Variants in NSUN6 observed in about 807,000 individuals in gnomAD.
The protein encoded by NSUN6 is NOP2/Sun RNA methyltransferase 6.
NSUN6 carries 64 observed loss-of-function variants against 58.0 expected under a neutral mutation model. The observed-to-expected ratio is 1.10, with a 90% CI of 0.90 to 1.36. NSUN6 has a LOEUF of 1.36. Among genes scored for constraint, NSUN6 ranks in the 40% most tolerant of loss-of-function variants. The pLI, the probability that NSUN6 is intolerant of heterozygous loss-of-function variation, is 0.00. For missense variants in NSUN6, 701 were observed against 550.1 expected (o/e 1.27, Z -2.74); for synonymous variants, 231 against 193.9 (o/e 1.19, Z -1.59).
chr10:18,610,648 T>C (rs2058200424), intron 5 of NSUN6, among the ~76,000 whole-genome samples: 2 of 152,146 alleles, frequency 1.3e-5, no homozygotes, highest in Admixed American at 6.5e-5. Flanking sequence ...TTGAAAATGA[T>C]CAGAGCAGGA....
intron 3 of NSUN6, among the ~76,000 whole-genome samples, chr10:18,621,898 C>A (rs1430932673): frequency 6.6e-6 from 1 of 152,198 alleles, no homozygotes; most frequent in Non-Finnish European, 1.5e-5. Flanking sequence ...TGAAACAGCA[C>A]ATGATATTGC....
chr10:18,607,080 G>A (rs1173316719), intron 6 of NSUN6, among the ~76,000 whole-genome samples: 1 of 152,168 alleles, frequency 6.6e-6, no homozygotes, highest in Non-Finnish European at 1.5e-5. Context: ...TAAAGTATCA[G>A]CATCTATTGC....
chr10:18,595,392 T>C (rs1214905360), intron 7 of NSUN6, among the ~76,000 whole-genome samples: 3 of 152,206 alleles, frequency 2.0e-5, no homozygotes, highest in Non-Finnish European at 4.4e-5. Flanking sequence ...ACGATAAATA[T>C]GCCATAATTT....
intron 3 of NSUN6, among the ~76,000 whole-genome samples, chr10:18,629,196 G>C (rs972017103): frequency 6.6e-6 from 1 of 152,116 alleles, no homozygotes; most frequent in Non-Finnish European, 1.5e-5. Context: ...TTACAGACAA[G>C]CAAATGCTGA....
intron 7 of NSUN6, among the ~76,000 whole-genome samples, chr10:18,587,304 T>C (rs1470228562): frequency 6.6e-6 from 1 of 152,172 alleles, no homozygotes; most frequent in African/African-American, 2.4e-5. Flanking sequence ...GACTGGTCAT[T>C]TTAATATTTC....
intron 2 of NSUN6, among the ~76,000 whole-genome samples, chr10:18,643,568 C>G (rs566863857): frequency 3.1e-4 from 47 of 152,148 alleles, no homozygotes; most frequent in Non-Finnish European, 6.5e-4. Context: ...TTCATATCTA[C>G]CAAGTCACCA....
intron 10 of NSUN6, among the ~76,000 whole-genome samples, chr10:18,547,365 CT>C (rs1373931653): frequency 6.6e-6 from 1 of 152,178 alleles, no homozygotes; most frequent in Non-Finnish European, 1.5e-5. Flanking sequence ...ATTCCGAAGT[CT>C]TCCTTTCATC....
Position 18,597,595 on chromosome 10 carries a change from C to T in NSUN6, c.658-1268G>A, listed in dbSNP as rs11015050. Among the ~76,000 whole-genome samples the T allele has an allele frequency of 3.9e-3, 587 of 152,134 alleles. 5 individuals are homozygous for T. The highest frequency in any genetic ancestry group is 0.014 in the African/African-American group (566 of 41,490). On this transcript the variant is annotated intron_variant, in intron 6 of 10. Transcript: ENST00000377304. ...GACCAGCCTGACCAACATGGAGAAA[C>T]CCCATCTCTACTAAAAATACATTAG...
In NSUN6 at chr10:18,642,467, CT is replaced by C; in HGVS notation, c.311+8del. 7.2e-7 allele frequency: 1 copy of C among 1,379,456 alleles called. No homozygotes were observed. Among genetic ancestry groups the C allele is most frequent in the Non-Finnish European group, 1.0e-6 (1 of 971,296 alleles). The allele number at this position is 1,379,456 out of a possible 1,614,324, so 85.5% of individuals were successfully genotyped here. ...AATAATATAATTTGGAAATGAAGTT[CT>C]TACAAACCTGGGTCCAATAACAGGA... On this transcript the variant is annotated splice_region_variant and intron_variant, in intron 3 of 10. Transcript: ENST00000377304.
intron 3 of NSUN6, among the ~76,000 whole-genome samples, chr10:18,620,426 T>A (rs2058565498): frequency 6.6e-6 from 1 of 152,196 alleles, no homozygotes; most frequent in Non-Finnish European, 1.5e-5. Context: ...GAAAAAAAAA[T>A]TCCTTGGTAC....
chr10:18,650,110 A>G (rs544125830), intron 1 of NSUN6, among the ~76,000 whole-genome samples: 1 of 152,356 alleles, frequency 6.6e-6, no homozygotes, highest in African/African-American at 2.4e-5. Flanking sequence ...ATCAACATTT[A>G]CTGAGGACTT....
chr10:18,638,835 C>A (rs889026107), intron 3 of NSUN6, among the ~76,000 whole-genome samples: 2 of 149,742 alleles, frequency 1.3e-5, no homozygotes, highest in Non-Finnish European at 2.9e-5. Flanking sequence ...TCACCAACAA[C>A]GACATTAATA....
intron 6 of NSUN6, among the ~76,000 whole-genome samples, chr10:18,600,959 T>TATATATATATATATATAA: frequency 3.1e-5 from 2 of 64,960 alleles, no homozygotes; most frequent in South Asian, 5.4e-4. Flanking sequence ...TATATATATA[T>TATATATATATATATATAA]ACATATATAT....
upstream of NSUN6, among the ~76,000 whole-genome samples, chr10:18,656,532 G>A (rs867242578): frequency 7.2e-5 from 11 of 152,014 alleles, no homozygotes; most frequent in South Asian, 8.3e-4. Flanking sequence ...GTGAGACTCC[G>A]TTTAAAAAAA....
chr10:18,620,380 C>A (rs1346280513), intron 3 of NSUN6, among the ~76,000 whole-genome samples: 1 of 152,102 alleles, frequency 6.6e-6, no homozygotes, highest in African/African-American at 2.4e-5. Context: ...AGCCACTGCG[C>A]CCGACAATAA....
chr10:18,600,941 A>AAAAAATATATATATATAT (rs1487679670), intron 6 of NSUN6, among the ~76,000 whole-genome samples: 1 of 43,530 alleles, frequency 2.3e-5, no homozygotes, highest in Non-Finnish European at 4.5e-5. Context: ...AAAAAAAAAA[A>AAAAAATATATATATATAT]ATATATATAT....
intron 3 of NSUN6, among the ~76,000 whole-genome samples, chr10:18,637,937 G>T (rs1305262387): frequency 1.3e-5 from 2 of 152,178 alleles, no homozygotes; most frequent in Admixed American, 1.3e-4. Context: ...GTATGCAGAT[G>T]TAAGCACAGA....
chr10:18,614,978 C>A (rs908710388), intron 4 of NSUN6, among the ~76,000 whole-genome samples: 4 of 152,140 alleles, frequency 2.6e-5, no homozygotes, highest in African/African-American at 7.2e-5. Context: ...TTCAAAAGGA[C>A]TGTTCAAAAA....
chr10:18,597,626 C>T (rs962530621), intron 6 of NSUN6, among the ~76,000 whole-genome samples: 6 of 152,040 alleles, frequency 3.9e-5, no homozygotes, highest in African/African-American at 1.4e-4. Context: ...ATTAGCTGGG[C>T]ATGGTGGCAC....
Sources: allele counts gnomAD v4.1 joint callset (sites outside exome capture counted in the v4.1 genomes callset), GRCh38; gene constraint gnomAD v4.1.1; transcripts MANE v1.5; gene names NCBI Gene and HGNC (gene_info 2026-07-23, HGNC 2026-07-21).